DGKB: variants seen among roughly 807,000 people sequenced by gnomAD.
DGKB encodes diacylglycerol kinase beta.
In DGKB, 67 loss-of-function variants were observed where a neutral mutation model predicts 114.3. The ratio of observed to expected loss-of-function variants is 0.59; its 90% CI spans 0.48 to 0.72. The LOEUF is 0.72. Ranked by LOEUF, DGKB falls within the 30% of genes least tolerant of loss-of-function variation. The probability of loss-of-function intolerance (pLI) is 0.00; values close to 1 mark genes in which losing one functional copy is unlikely to be tolerated. For synonymous variants in DGKB, 398 were observed against 323.1 expected (o/e 1.23, Z -2.49); for missense variants, 907 against 975.2 (o/e 0.93, Z 0.93).
chr7:14,197,716 A>G (rs1785228016), intron 23 of DGKB, among the ~76,000 whole-genome samples: 1 of 152,168 alleles, frequency 6.6e-6, no homozygotes, highest in Non-Finnish European at 1.5e-5. Flanking sequence ...AAAATGCAAA[A>G]TGCGTATGAA....
intron 21 of DGKB, among the ~76,000 whole-genome samples, chr7:14,444,015 G>A (rs541493016): frequency 6.6e-6 from 1 of 151,132 alleles, no homozygotes; most frequent in East Asian, 1.9e-4. Context: ...ACTCCTTTTA[G>A]CTGTGTTTAA....
intron 23 of DGKB, among the ~76,000 whole-genome samples, chr7:14,281,412 G>A (rs1799931516): frequency 7.5e-6 from 1 of 132,536 alleles, no homozygotes; most frequent in African/African-American, 2.9e-5. Context: ...ATTAATAATG[G>A]GAGACTTTAA....
intron 21 of DGKB, among the ~76,000 whole-genome samples, chr7:14,347,664 TATAAG>T (rs1253291039): frequency 2.0e-5 from 3 of 152,002 alleles, no homozygotes; most frequent in Non-Finnish European, 2.9e-5. Context: ...AACTTACAGT[TATAAG>T]ATAAGTAAGT....
intron 1 of DGKB, among the ~76,000 whole-genome samples, chr7:14,913,257 T>C (rs1004028876): frequency 6.6e-6 from 1 of 151,850 alleles, no homozygotes. Flanking sequence ...TCTGTTCTCT[T>C]CTCCTCTGGA....
At chr7:14,914,409 T>C (rs1042337966) in intron 1 of DGKB, among the ~76,000 whole-genome samples, 16 of 152,150 alleles carry the variant, frequency 1.1e-4, no homozygotes, top group Admixed American at 8.5e-4. Flanking sequence ...AGACTCTAAC[T>C]AAGAAGAAGT....
chr7:14,244,669 CAAAAAAAAAA>C (rs34364672), intron 23 of DGKB, among the ~76,000 whole-genome samples: 9 of 46,396 alleles, frequency 1.9e-4, no homozygotes, highest in African/African-American at 6.6e-4. Context: ...GACTCTGTCT[CAAAAAAAAAA>C]AAAAAAAAAA....
At chr7:14,573,992 G>A (rs898736386) in intron 20 of DGKB, among the ~76,000 whole-genome samples, 3 of 151,972 alleles carry the variant, frequency 2.0e-5, no homozygotes, top group Non-Finnish European at 4.4e-5. Flanking sequence ...CTTAAGACAT[G>A]AAAAATATGT....
chr7:14,235,712 C>T (rs1472081610), intron 23 of DGKB, among the ~76,000 whole-genome samples: 1 of 152,022 alleles, frequency 6.6e-6, no homozygotes, highest in Non-Finnish European at 1.5e-5. Context: ...TCCCAATACC[C>T]TTAATTGTTT....
intron 23 of DGKB, among the ~76,000 whole-genome samples, chr7:14,184,422 C>A (rs775608217): frequency 3.3e-5 from 5 of 152,044 alleles, no homozygotes; most frequent in African/African-American, 1.2e-4. Flanking sequence ...GAAACTAACT[C>A]GGGTCTGTTC....
chr7:14,428,433 A>T (rs1827916119), intron 21 of DGKB, among the ~76,000 whole-genome samples: 1 of 152,028 alleles, frequency 6.6e-6, no homozygotes, highest in Non-Finnish European at 1.5e-5. Context: ...TTTTGCATCG[A>T]GGTTGTTTGG....
At chr7:14,602,219 C>T (rs940691) in intron 17 of DGKB, among the ~76,000 whole-genome samples, 81,049 of 151,718 alleles carry the variant, frequency 0.53, 22,036 homozygotes, top group African/African-American at 0.62. Flanking sequence ...GCAATTTAGC[C>T]CAGGATGGAT....
chr7:14,154,069 G>C (rs2128216370), intron 25 of DGKB, among the ~76,000 whole-genome samples: 1 of 151,710 alleles, frequency 6.6e-6, no homozygotes, highest in East Asian at 1.9e-4. Context: ...CTCAGATCCA[G>C]GATGACAGAT....
intron 1 of DGKB, among the ~76,000 whole-genome samples, chr7:14,942,847 A>G (rs993709246): frequency 6.6e-6 from 1 of 152,084 alleles, no homozygotes. Context: ...TTTCACTTGC[A>G]ATCTTCATAT....
chr7:14,281,442 G>A, intron 23 of DGKB, among the ~76,000 whole-genome samples: 1 of 142,692 alleles, frequency 7.0e-6, no homozygotes, highest in Admixed American at 7.0e-5. Context: ...GTCAACATTA[G>A]ACAGATCAAT....
At position 14,392,500 on chromosome 7, in the gene DGKB, T is replaced by C. The variant is rs548687827; in HGVS notation, c.1836-47109A>G. On this transcript the variant is annotated intron_variant, in intron 21 of 25. Transcript: ENST00000402815. ...TCAACACATGATTGTTAAAAGAACA[T>C]ATAAATAAATGAATATGTAAATGAA... Among the ~76,000 whole-genome samples, 48 of 152,342 alleles carry C rather than the reference T, an allele frequency of 3.2e-4. 1 individual carries two copies. Among genetic ancestry groups the C allele is most frequent in the Non-Finnish European group, 5.7e-4 (39 of 68,022 alleles).
chr7:14,416,504 A>G (rs1427512526), intron 21 of DGKB, among the ~76,000 whole-genome samples: 1 of 152,070 alleles, frequency 6.6e-6, no homozygotes, highest in East Asian at 1.9e-4. Context: ...CCCAAATCTC[A>G]TCTTGAATTG....
At chr7:14,803,880 T>G (rs750196994) in intron 2 of DGKB, among the ~76,000 whole-genome samples, 10 of 152,126 alleles carry the variant, frequency 6.6e-5, no homozygotes, top group Non-Finnish European at 1.3e-4. Flanking sequence ...AATATCTTTA[T>G]TACTGTTCTA....
chr7:14,570,095 A>AAT (rs1468598166), intron 20 of DGKB, among the ~76,000 whole-genome samples: 1 of 150,700 alleles, frequency 6.6e-6, no homozygotes, highest in East Asian at 1.9e-4. Context: ...TTTCAATTGG[A>AAT]ATATATATAA....
intron 20 of DGKB, among the ~76,000 whole-genome samples, chr7:14,514,615 C>A (rs991661653): frequency 4.6e-5 from 7 of 152,176 alleles, no homozygotes; most frequent in African/African-American, 1.7e-4. Flanking sequence ...GACAGATGCT[C>A]ATCAGAATCA....
Sources: gnomAD v4.1 joint callset for allele counts (sites outside exome capture counted in the v4.1 genomes callset) on GRCh38, gnomAD v4.1.1 for gene constraint, MANE v1.5 for transcripts, NCBI Gene and HGNC (gene_info 2026-07-23, HGNC 2026-07-21) for gene names.